The following ENPP6 variants were observed in gnomAD, a reference collection of about 807,000 sequenced individuals.
ENPP6 encodes the protein ectonucleotide pyrophosphatase/phosphodiesterase 6.
Under a neutral mutation model 42.0 loss-of-function variants are expected in ENPP6, and 32 were observed. That is an observed-to-expected ratio of 0.76 (90% CI 0.58 to 1.02). ENPP6 has a LOEUF of 1.02. Among genes scored for constraint, ENPP6 ranks in the 50% least tolerant of loss-of-function variants. The pLI, the probability that ENPP6 is intolerant of heterozygous loss-of-function variation, is 0.00. For synonymous variants in ENPP6, 213 were observed against 216.0 expected (o/e 0.99, Z 0.12); for missense variants, 552 against 566.8 (o/e 0.97, Z 0.27).
At chr4:184,117,514 C>T (rs1455678992) in intron 4 of ENPP6, among the ~76,000 whole-genome samples, 2 of 152,264 alleles carry the variant, frequency 1.3e-5, no homozygotes, top group Non-Finnish European at 2.9e-5. Context: ...AGCTGGGTGT[C>T]TCTCCAGCTG....
At chr4:184,132,427 A>C (rs1279330833) in intron 2 of ENPP6, among the ~76,000 whole-genome samples, 1 of 152,046 alleles carries the variant, frequency 6.6e-6, no homozygotes, top group Non-Finnish European at 1.5e-5. Context: ...GGAATTGTGC[A>C]TATGTTCCAG....
At chr4:184,101,709 TAC>T (rs957354113) in intron 6 of ENPP6, among the ~76,000 whole-genome samples, 1 of 152,190 alleles carries the variant, frequency 6.6e-6, no homozygotes, top group Non-Finnish European at 1.5e-5. Context: ...TTGGCCATTG[TAC>T]AGTCAGCACT....
chr4:184,146,260 G>A (rs1274922910), intron 2 of ENPP6, among the ~76,000 whole-genome samples: 1 of 151,586 alleles, frequency 6.6e-6, no homozygotes, highest in African/African-American at 2.4e-5. Context: ...GTGAAACCCC[G>A]TCTTTACTAA....
intron 1 of ENPP6, among the ~76,000 whole-genome samples, chr4:184,169,364 G>A (rs1377182453): frequency 6.6e-6 from 1 of 152,162 alleles, no homozygotes; most frequent in Admixed American, 6.5e-5. Flanking sequence ...CCCATGTGAA[G>A]ACATGGCCCC....
intron 6 of ENPP6, among the ~76,000 whole-genome samples, chr4:184,104,179 C>A (rs1486760103): frequency 6.6e-6 from 1 of 152,186 alleles, no homozygotes; most frequent in Non-Finnish European, 1.5e-5. Context: ...CTGGACAATA[C>A]CACACTAGCT....
At chr4:184,108,634 T>C (rs1009224177) in intron 6 of ENPP6, among the ~76,000 whole-genome samples, 5 of 152,234 alleles carry the variant, frequency 3.3e-5, no homozygotes. Flanking sequence ...TCAGAAATTA[T>C]AGCTTTTACA....
intron 2 of ENPP6, among the ~76,000 whole-genome samples, chr4:184,140,207 G>T (rs1736797022): frequency 6.6e-6 from 1 of 151,896 alleles, no homozygotes; most frequent in Non-Finnish European, 1.5e-5. Flanking sequence ...TCTTTAAGGA[G>T]AACTACAAAC....
At chr4:184,172,469 G>A (rs970913147) in intron 1 of ENPP6, among the ~76,000 whole-genome samples, 1 of 152,132 alleles carries the variant, frequency 6.6e-6, no homozygotes, top group Non-Finnish European at 1.5e-5. Context: ...GGTGACTTTG[G>A]CAGAAAACAG....
intron 1 of ENPP6, among the ~76,000 whole-genome samples, chr4:184,195,267 C>T (rs1168804611): frequency 7.2e-5 from 11 of 152,042 alleles, no homozygotes; most frequent in Non-Finnish European, 8.8e-5. Context: ...TTTCCTGATC[C>T]TCTCCCTCCT....
rs551619225 is a variant in ENPP6 at position 184,209,250 on chromosome 4, A to G, written c.241+8329T>C. 3.6e-4 allele frequency among the ~76,000 whole-genome samples: 54 copies of G among 150,506 alleles called. 1 individual carries two copies. The highest frequency in any genetic ancestry group is 1.2e-3 in the African/African-American group (48 of 40,276). On this transcript the variant is annotated intron_variant, in intron 1 of 7. Transcript: ENST00000296741. ...AGCTGGATGGAGAATGACTTTGACG[A>G]GCTGAGAGAAGAAGGCTTCAGACGA...
At chr4:184,143,809 C>T (rs1342069700) in intron 2 of ENPP6, among the ~76,000 whole-genome samples, 1 of 152,204 alleles carries the variant, frequency 6.6e-6, no homozygotes, top group Non-Finnish European at 1.5e-5. Flanking sequence ...AATCCATGTT[C>T]TGGCTTTTTA....
At chr4:184,206,413 A>C (rs1461766603) in intron 1 of ENPP6, among the ~76,000 whole-genome samples, 1 of 106,164 alleles carries the variant, frequency 9.4e-6, no homozygotes, top group African/African-American at 3.9e-5. Flanking sequence ...GGGCGCCACC[A>C]GGCCCGGCTA....
At chr4:184,146,623 A>C (rs1254189879) in intron 2 of ENPP6, among the ~76,000 whole-genome samples, 1 of 152,236 alleles carries the variant, frequency 6.6e-6, no homozygotes, top group Non-Finnish European at 1.5e-5. Context: ...GCAGCTCAGC[A>C]ACATTAAATG....
At chr4:184,210,496 T>C (rs571654232) in intron 1 of ENPP6, among the ~76,000 whole-genome samples, 87 of 133,030 alleles carry the variant, frequency 6.5e-4, no homozygotes, top group East Asian at 1.9e-3. Context: ...AAGAAGGCCA[T>C]TACATAATGG....
intron 1 of ENPP6, chr4:184,216,618 A>C (rs1733199639): frequency 6.6e-6 from 1 of 152,236 alleles, no homozygotes; most frequent in Non-Finnish European, 1.5e-5. Flanking sequence ...TGAGTCCCGC[A>C]TAACCAGCAA....
At chr4:184,204,099 T>A (rs2111117773) in intron 1 of ENPP6, 2 of 152,376 alleles carry the variant, frequency 1.3e-5, no homozygotes, top group Middle Eastern at 6.8e-3. Flanking sequence ...CTTCCCTCTG[T>A]GCCCGTCTGG....
intron 7 of ENPP6, among the ~76,000 whole-genome samples, chr4:184,092,941 GCTC>G (rs1735833161): frequency 6.6e-6 from 1 of 152,158 alleles, no homozygotes; most frequent in Non-Finnish European, 1.5e-5. Flanking sequence ...ACCAAATTCT[GCTC>G]CTCTATTTAT....
At chr4:184,097,474 G>A in intron 6 of ENPP6, 106 bp from the exon 7 acceptor site, 3 of 1,512,550 alleles carry the variant, frequency 2.0e-6, no homozygotes, top group East Asian at 4.8e-5. Flanking sequence ...CCTCCTCTGC[G>A]CTCCGACTGA....
intron 7 of ENPP6, among the ~76,000 whole-genome samples, chr4:184,096,708 C>T (rs1331404768): frequency 6.6e-6 from 1 of 152,164 alleles, no homozygotes; most frequent in Admixed American, 6.5e-5. Flanking sequence ...AGGCAACCCT[C>T]GTCATTCTGG....
Sources: gnomAD v4.1 joint callset for allele counts (sites outside exome capture counted in the v4.1 genomes callset) on GRCh38, gnomAD v4.1.1 for gene constraint, MANE v1.5 for transcripts, NCBI Gene and HGNC (gene_info 2026-07-23, HGNC 2026-07-21) for gene names.